Variants in ZSWIM3 observed in about 807,000 individuals in gnomAD.
ZSWIM3 encodes the protein zinc finger SWIM domain-containing protein 3.
Under a neutral mutation model 47.5 loss-of-function variants are expected in ZSWIM3, and 27 were observed. The observed-to-expected ratio is 0.57, with a 90% CI of 0.42 to 0.78. The LOEUF (loss-of-function observed/expected upper bound fraction) is 0.78. Ranked by LOEUF, ZSWIM3 falls within the 30% of genes least tolerant of loss-of-function variation. The pLI, the probability that ZSWIM3 is intolerant of heterozygous loss-of-function variation, is 0.00. For missense variants in ZSWIM3, 689 were observed against 861.3 expected (o/e 0.80, Z 2.50); for synonymous variants, 333 against 333.9 (o/e 1.00, Z 0.03).
At chr20:45,876,318 T>A (rs1986091427) in intron 1 of ZSWIM3, among the ~76,000 whole-genome samples, 3 of 151,478 alleles carry the variant, frequency 2.0e-5, no homozygotes, top group Admixed American at 6.6e-5. Context: ...GTGCTGGGAT[T>A]ACAGGTGTGA....
chr20:45,876,168 G>A (rs561721424), intron 1 of ZSWIM3, among the ~76,000 whole-genome samples: 4 of 151,696 alleles, frequency 2.6e-5, no homozygotes, highest in Admixed American at 6.6e-5. Flanking sequence ...TCAGCCTCCC[G>A]AGTAGCTGGG....
chr20:45,872,696 C>T lies in ZSWIM3; in HGVS notation c.156-4018C>T, dbSNP rs1406012305. ...GACACAAAAAACAAGGTGATGAAAA[C>T]AAGGCTGGAGAGACAAGCGGAGACC... On this transcript the variant is annotated intron_variant, in intron 1 of 1. Coordinates refer to ENST00000255152, the MANE Select transcript of ZSWIM3 (RefSeq NM_080752.4). 2.3e-6 allele frequency: 3 copies of T among 1,283,232 alleles called. No individual in the cohort carries two copies. In the African/African-American group the frequency reaches 4.6e-5, roughly 20 times the overall value. The allele number at this position is 1,283,232 out of a possible 1,614,324, so 79.5% of individuals were successfully genotyped here.
chr20:45,873,394 G>A (rs766692765), intron 1 of ZSWIM3, among the ~76,000 whole-genome samples: 5 of 151,604 alleles, frequency 3.3e-5, no homozygotes, highest in Non-Finnish European at 5.9e-5. Flanking sequence ...AGAGTGAAAC[G>A]CCATCTCAAA....
Position 45,876,782 on chromosome 20 carries a change from T to A in ZSWIM3, c.224T>A (p.Met75Lys). 6.2e-7 allele frequency: 1 copy of A among 1,614,136 alleles called. No homozygotes were observed. ...AGGAAGAGAACGCGGGAGGCAGACA[T>A]GTGCCCAGCGTACTTGCTCCTAAGG... is the stretch of plus-strand genomic sequence containing the variant. ...SNRKRTREADMCPAYLLLRYN... is the reference protein window; with the variant it reads ...SNRKRTREADKCPAYLLLRYN... Residue 75 changes from methionine (M) to lysine (K), a missense_variant, in exon 2 of 2, where the codon ATG becomes AAG. Physicochemically the swap from Met to Lys is moderately conservative, Grantham distance 95 (BLOSUM62 -1). Transcript: ENST00000255152.
intron 1 of ZSWIM3, among the ~76,000 whole-genome samples, chr20:45,861,080 C>G (rs35049915): frequency 0.014 from 2,134 of 152,182 alleles, 26 homozygotes; most frequent in Admixed American, 0.021. Flanking sequence ...AGACTATAAT[C>G]CTGGGCAACA....
At chr20:45,873,892 A>C (rs191721147) in intron 1 of ZSWIM3, among the ~76,000 whole-genome samples, 235 of 152,326 alleles carry the variant, frequency 1.5e-3, no homozygotes, top group Non-Finnish European at 2.8e-3. Flanking sequence ...AAGACTTTCT[A>C]AGGTGGTGAC....
intron 1 of ZSWIM3, among the ~76,000 whole-genome samples, chr20:45,862,132 A>G (rs1425750763): frequency 6.6e-6 from 1 of 151,236 alleles, no homozygotes; most frequent in African/African-American, 2.4e-5. Context: ...CCACTGCATT[A>G]GCTTTTGGTT....
chr20:45,859,792 C>CA (rs765560893), intron 1 of ZSWIM3, among the ~76,000 whole-genome samples: 2,133 of 52,024 alleles, frequency 0.041, 44 homozygotes, highest in African/African-American at 0.088. Flanking sequence ...GAGAGGAATA[C>CA]AAAAAAAAAA....
intron 1 of ZSWIM3, among the ~76,000 whole-genome samples, chr20:45,859,423 GAA>G (rs74176827): frequency 2.2e-3 from 123 of 56,672 alleles, no homozygotes; most frequent in African/African-American, 7.1e-3. Flanking sequence ...AAGGAATGTG[GAA>G]AAAAAAAAAA....
chr20:45,866,530 G>A (rs561858418), intron 1 of ZSWIM3, among the ~76,000 whole-genome samples: 5 of 151,754 alleles, frequency 3.3e-5, no homozygotes, highest in African/African-American at 1.2e-4. Context: ...ATTCAGGCTA[G>A]GGGCAGTGGC....
rs577400119 is a variant in ZSWIM3 at position 45,877,640 on chromosome 20, A to T, written c.1082A>T (p.Asp361Val). The T allele has an allele frequency of 6.2e-7, 1 of 1,614,112 alleles. No homozygotes were observed. Among genetic ancestry groups the T allele is most frequent in the African/African-American group, 1.3e-5 (1 of 75,016 alleles). Residue 361 changes from aspartate (D) to valine (V), a missense_variant, in exon 2 of 2, where the codon GAT (aspartate) becomes GTT (valine). Asp to Val is a radical substitution (Grantham distance 152, BLOSUM62 -3). Coordinates refer to ENST00000255152, the MANE Select transcript of ZSWIM3 (RefSeq NM_080752.4). ...CQMSQAVLDEDLFNFLQAHWF... is the reference protein window; with the variant it reads ...CQMSQAVLDEVLFNFLQAHWF... ...ATGTCCCAGGCCGTACTGGATGAGG[A>T]TCTCTTCAACTTCCTGCAGGCCCAC...
intron 1 of ZSWIM3, 135 bp downstream of exon 1, chr20:45,858,115 C>A: frequency 1.1e-6 from 1 of 951,894 alleles, no homozygotes; most frequent in Non-Finnish European, 1.6e-6. Context: ...ACTCATTGAG[C>A]ACCTGCTGTG....
At chr20:45,864,276 T>A in intron 1 of ZSWIM3, among the ~76,000 whole-genome samples, 1 of 152,192 alleles carries the variant, frequency 6.6e-6, no homozygotes, top group Non-Finnish European at 1.5e-5. Flanking sequence ...CACAGGTCTT[T>A]AGCAGAAACA....
rs1985557157 is a variant in ZSWIM3 at position 45,857,630 on chromosome 20, AC to A, written c.-191del. 7.2e-6 allele frequency: 5 copies of A among 695,860 alleles called. No individual in the cohort carries two copies. The highest frequency in any genetic ancestry group is 3.6e-5 in the African/African-American group (2 of 55,960). 43.1% of individuals were successfully genotyped at this position (695,860 alleles called of 1,614,324 possible). A position where few individuals can be genotyped will look rare whatever the true frequency, so the allele number is the denominator to read the frequency against. On this transcript the variant is annotated 5_prime_UTR_variant, in exon 1 of 2. Transcript: ENST00000255152. ...ATTTCCCCTGTCAGATAGCAAATAC[AC>A]CCCCTTCCTCTTGTAACCCGGTCAG...
At chr20:45,866,981 T>C (rs1260884121) in intron 1 of ZSWIM3, among the ~76,000 whole-genome samples, 1 of 143,330 alleles carries the variant, frequency 7.0e-6, no homozygotes, top group Non-Finnish European at 1.5e-5. Flanking sequence ...GTCAAAAAAA[T>C]AAAATCAGAT....
intron 1 of ZSWIM3, among the ~76,000 whole-genome samples, chr20:45,862,585 G>A (rs921577010): frequency 4.0e-5 from 6 of 150,758 alleles, no homozygotes; most frequent in East Asian, 2.0e-4. Context: ...TCTGCCTCCC[G>A]GGTTCAAGTG....
chr20:45,862,817 G>T (rs965952297), intron 1 of ZSWIM3, among the ~76,000 whole-genome samples: 2 of 152,002 alleles, frequency 1.3e-5, no homozygotes, highest in Admixed American at 6.6e-5. Flanking sequence ...TTTTATTTTT[G>T]TAGAGGTGAG....
At chr20:45,865,813 C>T (rs1046038084) in intron 1 of ZSWIM3, among the ~76,000 whole-genome samples, 16 of 151,100 alleles carry the variant, frequency 1.1e-4, no homozygotes, top group African/African-American at 2.4e-5. Flanking sequence ...CTAGCTAACA[C>T]GGTGAAACCC....
chr20:45,857,791 G>C lies in ZSWIM3; in HGVS notation c.-35G>C. 6.2e-7 allele frequency: 1 copy of C among 1,607,126 alleles called. No individual in the cohort carries two copies. The highest frequency in any genetic ancestry group is 8.5e-7 in the Non-Finnish European group (1 of 1,175,800). ...CCTGGTGTGATCTTGGGCCCGGGCT[G>C]GGACCAGCCCCTAGTGTGGGTTGTG... On this transcript the variant is annotated 5_prime_UTR_variant, in exon 1 of 2. Coordinates refer to ENST00000255152, the MANE Select transcript of ZSWIM3 (RefSeq NM_080752.4).
Sources: allele counts gnomAD v4.1 joint callset (sites outside exome capture counted in the v4.1 genomes callset), GRCh38; gene constraint gnomAD v4.1.1; transcripts MANE v1.5; gene names NCBI Gene and HGNC (gene_info 2026-07-23, HGNC 2026-07-21).